GNG7: variants seen among roughly 807,000 people sequenced by gnomAD.
The protein encoded by GNG7 is G protein subunit gamma 7, also known as guanine nucleotide-binding protein G(I)/G(S)/G(O) subunit gamma-7.
Under a neutral mutation model 4.0 loss-of-function variants are expected in GNG7, and 1 was observed. That is an observed-to-expected ratio of 0.25 (90% CI 0.09 to 1.18). The LOEUF (loss-of-function observed/expected upper bound fraction) is 1.18. GNG7 is among the 50% of genes most tolerant of loss of function. The pLI is 0.50. For synonymous variants in GNG7, 34 were observed against 36.9 expected (o/e 0.92, Z 0.29); for missense variants, 86 against 91.9 (o/e 0.94, Z 0.26).
intron 2 of GNG7, among the ~76,000 whole-genome samples, chr19:2,637,682 C>T (rs1198085763): frequency 2.6e-5 from 4 of 152,238 alleles, no homozygotes; most frequent in Admixed American, 1.3e-4. Context: ...CCTCCCCTTG[C>T]GTGTGTGGAC....
intron 2 of GNG7, among the ~76,000 whole-genome samples, chr19:2,603,627 C>G (rs1049162100): frequency 6.6e-6 from 1 of 152,146 alleles, no homozygotes; most frequent in Non-Finnish European, 1.5e-5. Flanking sequence ...TGCGGGGCGG[C>G]GGCTAAATTT....
chr19:2,685,275 C>T (rs1244024358), intron 1 of GNG7, among the ~76,000 whole-genome samples: 1 of 151,732 alleles, frequency 6.6e-6, no homozygotes, highest in Non-Finnish European at 1.5e-5. Flanking sequence ...TTAAATGTAC[C>T]CAAAAAATGG....
At chr19:2,587,683 G>A (rs958030254) in intron 2 of GNG7, among the ~76,000 whole-genome samples, 2 of 152,074 alleles carry the variant, frequency 1.3e-5, no homozygotes, top group South Asian at 2.1e-4. Flanking sequence ...CACACCGACC[G>A]TGGAAGCATG....
intron 1 of GNG7, among the ~76,000 whole-genome samples, chr19:2,659,972 C>T (rs567339856): frequency 3.3e-5 from 5 of 151,998 alleles, no homozygotes; most frequent in Non-Finnish European, 5.9e-5. Context: ...CAATGTAATA[C>T]CATGAGGATC....
chr19:2,644,753 G>C (rs929845404), intron 2 of GNG7, among the ~76,000 whole-genome samples: 1 of 151,996 alleles, frequency 6.6e-6, no homozygotes, highest in Non-Finnish European at 1.5e-5. Context: ...ATCTCTTACT[G>C]AGCGTGACGT....
intron 3 of GNG7, among the ~76,000 whole-genome samples, chr19:2,553,741 AAT>A (rs1979437070): frequency 6.7e-6 from 1 of 148,976 alleles, no homozygotes; most frequent in African/African-American, 2.4e-5. Context: ...TATTACATGC[AAT>A]ATATTACATA....
Position 2,617,131 on chromosome 19 carries a change from C to T in GNG7, c.-78+29093G>A, listed in dbSNP as rs924064067. On this transcript the variant is annotated intron_variant, in intron 2 of 4. Transcript: ENST00000382159. The surrounding 1 kb of genome is among the most constrained non-coding windows in gnomAD (Gnocchi z 4.7). ...CTGACGTTCAGGGCTGGATCATTCTCTGGGATGGGGCCATCCTGGTGCACT... is the reference window on the plus strand; with the variant it reads ...CTGACGTTCAGGGCTGGATCATTCTTTGGGATGGGGCCATCCTGGTGCACT... Among the ~76,000 whole-genome samples the T allele has an allele frequency of 3.9e-5, 6 of 152,228 alleles. No homozygotes were observed. Among genetic ancestry groups the T allele is most frequent in the Admixed American group, 3.9e-4 (6 of 15,276 alleles).
At chr19:2,657,917 CTT>C (rs910455314) in intron 1 of GNG7, among the ~76,000 whole-genome samples, 7 of 152,078 alleles carry the variant, frequency 4.6e-5, no homozygotes, top group African/African-American at 1.7e-4. Flanking sequence ...CTCTCTCTCT[CTT>C]TGCCTCGGCT....
intron 1 of GNG7, among the ~76,000 whole-genome samples, chr19:2,681,585 G>A (rs745850368): frequency 6.6e-6 from 1 of 152,120 alleles, no homozygotes; most frequent in Non-Finnish European, 1.5e-5. Context: ...TTCTTGCGCA[G>A]TGTTTGTGTG....
Position 2,575,722 on chromosome 19 carries a change from GACACGCAGGCACACGC to G in GNG7, c.-77-20550_-77-20535del, listed in dbSNP as rs1337290575. 3.5e-3 allele frequency among the ~76,000 whole-genome samples: 207 copies of G among 59,582 alleles called. 3 individuals are homozygous for G. The highest frequency in any genetic ancestry group is 9.0e-3 in the African/African-American group (71 of 7,854). 39.1% of individuals were successfully genotyped at this position (59,582 alleles called of 152,430 possible). ...ACACGCAGACAGGCAGGCACACGCA[GACACGCAGGCACACGC>G]ACACGCAGGCACACGCAGACACGCA... On this transcript the variant is annotated intron_variant, in intron 2 of 4. Coordinates refer to ENST00000382159, the MANE Select transcript of GNG7 (RefSeq NM_052847.3).
At chr19:2,524,027 T>G (rs1978325217) in intron 3 of GNG7, among the ~76,000 whole-genome samples, 1 of 152,202 alleles carries the variant, frequency 6.6e-6, no homozygotes, top group South Asian at 2.1e-4. Context: ...CGCCCTTGGT[T>G]GGGCTTAAAA....
intron 1 of GNG7, among the ~76,000 whole-genome samples, chr19:2,671,786 A>G (rs577842871): frequency 1.3e-5 from 2 of 151,194 alleles, no homozygotes; most frequent in Non-Finnish European, 3.0e-5. Context: ...ATTTTATTTT[A>G]TTTTTTTTTA....
At chr19:2,603,147 A>G (rs1599416249) in intron 2 of GNG7, among the ~76,000 whole-genome samples, 2 of 148,674 alleles carry the variant, frequency 1.3e-5, no homozygotes, top group Non-Finnish European at 3.0e-5. Context: ...CCTCACTGAA[A>G]CCTCCGCCTC....
intron 2 of GNG7, among the ~76,000 whole-genome samples, chr19:2,576,670 C>T (rs1568250436): frequency 6.6e-6 from 1 of 152,104 alleles, no homozygotes; most frequent in Non-Finnish European, 1.5e-5. Flanking sequence ...CCTCAGCCTC[C>T]TGAGTAGCTG....
intron 2 of GNG7, among the ~76,000 whole-genome samples, chr19:2,640,072 GGGAAGGAGGGAGGGAGGAA>G (rs1337523954): frequency 4.9e-5 from 5 of 102,558 alleles, no homozygotes; most frequent in South Asian, 4.4e-4. Context: ...GAGGGAGAGA[GGGAAGGAGGGAGGGAGGAA>G]GGAAGGAGGG....
chr19:2,668,052 A>T (rs1476263512), intron 1 of GNG7, among the ~76,000 whole-genome samples: 1 of 152,190 alleles, frequency 6.6e-6, no homozygotes, highest in Admixed American at 6.6e-5. Context: ...CAGAGTGCAG[A>T]CTTGGGTTAA....
chr19:2,659,964 A>G (rs896031438), intron 1 of GNG7, among the ~76,000 whole-genome samples: 1 of 152,046 alleles, frequency 6.6e-6, no homozygotes, highest in African/African-American at 2.4e-5. Context: ...TATCATCACA[A>G]TGTAATACCA....
chr19:2,577,722 A>G (rs546335596), intron 2 of GNG7, among the ~76,000 whole-genome samples: 1 of 140,444 alleles, frequency 7.1e-6, no homozygotes, highest in South Asian at 2.3e-4. Context: ...AAAAAAAAAA[A>G]TCAGCGTAAT....
intron 1 of GNG7, among the ~76,000 whole-genome samples, chr19:2,670,084 C>CATTA (rs559198670): frequency 3.3e-5 from 5 of 152,068 alleles, no homozygotes; most frequent in African/African-American, 1.2e-4. Flanking sequence ...AGCCCTACAT[C>CATTA]ATTACTTCAA....
Sources: allele counts gnomAD v4.1 joint callset (sites outside exome capture counted in the v4.1 genomes callset), GRCh38; gene constraint gnomAD v4.1.1; non-coding constraint Gnocchi (gnomAD v3.1); transcripts MANE v1.5; gene names NCBI Gene and HGNC (gene_info 2026-07-23, HGNC 2026-07-21).